The following SPATS2 variants were observed in gnomAD, a reference collection of about 807,000 sequenced individuals.
SPATS2 encodes spermatogenesis-associated serine-rich protein 2.
In SPATS2, 38 loss-of-function variants were observed where a neutral mutation model predicts 63.7. The ratio of observed to expected loss-of-function variants is 0.60; its 90% CI spans 0.46 to 0.78. The LOEUF is 0.78. Among genes scored for constraint, SPATS2 ranks in the 30% least tolerant of loss-of-function variants. The probability of loss-of-function intolerance (pLI) is 0.00; values close to 1 mark genes in which losing one functional copy is unlikely to be tolerated. For missense variants in SPATS2, 588 were observed against 666.2 expected (o/e 0.88, Z 1.29); for synonymous variants, 207 against 232.9 (o/e 0.89, Z 1.01).
In SPATS2 at chr12:49,526,006, C is replaced by G; in HGVS notation, c.1389C>G (p.Asp463Glu). Residue 463 changes from aspartate to glutamate, a missense_variant, in exon 14 of 14, where the codon GAC becomes GAG. Asp to Glu is a conservative substitution (Grantham distance 45). Transcript: ENST00000552918. ...GGCCACAAGGCCAAAAGTCCAATGA[C>G]CCCATGAACCAAGGGCGGCATGACA... Reference protein sequence around the residue: ...GYRPQGQKSNDPMNQGRHDSM... With the variant: ...GYRPQGQKSNEPMNQGRHDSM... The G allele has an allele frequency of 2.5e-6, 4 of 1,614,244 alleles. 1 individual carries two copies. Among genetic ancestry groups the G allele is most frequent in the Middle Eastern group, 3.3e-4 (2 of 6,062 alleles).
intron 2 of SPATS2, among the ~76,000 whole-genome samples, chr12:49,386,172 GTTAT>G (rs1565696285): frequency 6.8e-6 from 1 of 146,402 alleles, no homozygotes; most frequent in African/African-American, 2.5e-5. Flanking sequence ...CCAGCTTGTG[GTTAT>G]TTATTTGAGA....
chr12:49,459,852 C>T (rs1223095518), intron 2 of SPATS2, among the ~76,000 whole-genome samples: 1 of 142,860 alleles, frequency 7.0e-6, no homozygotes, highest in Non-Finnish European at 1.5e-5. Context: ...TTTGGGAGGC[C>T]GAGGCAGGCG....
chr12:49,476,380 CT>C (rs1946118443), intron 3 of SPATS2, among the ~76,000 whole-genome samples: 1 of 152,172 alleles, frequency 6.6e-6, no homozygotes, highest in African/African-American at 2.4e-5. Flanking sequence ...CTGCCGAGAG[CT>C]ACTTCCACTC....
At chr12:49,369,633 T>C (rs1943964795) in intron 1 of SPATS2, among the ~76,000 whole-genome samples, 1 of 152,236 alleles carries the variant, frequency 6.6e-6, no homozygotes. Context: ...GAAGATTAAG[T>C]TAGTAGGCTG....
At chr12:49,493,657 C>G (rs2137899304) in intron 6 of SPATS2, among the ~76,000 whole-genome samples, 1 of 152,312 alleles carries the variant, frequency 6.6e-6, no homozygotes, top group East Asian at 1.9e-4. Flanking sequence ...CCTACCTTGG[C>G]CTCCCAAAGT....
chr12:49,408,643 C>G lies in SPATS2; in HGVS notation c.-244+37353C>G, dbSNP rs891687409. Among the ~76,000 whole-genome samples the G allele has an allele frequency of 3.4e-5, 5 of 147,486 alleles. No individual in the cohort carries two copies. The East Asian group carries it at 9.9e-4, about 29-fold the overall frequency. On this transcript the variant is annotated intron_variant, in intron 2 of 13. Transcript: ENST00000552918. Reference sequence around the variant, plus strand: ...CAATCTTGGCTCACTGCAGTCTCCGCCTCCTGGCTTCAAGTGATTCTCCTG... The same window carrying G: ...CAATCTTGGCTCACTGCAGTCTCCGGCTCCTGGCTTCAAGTGATTCTCCTG...
At chr12:49,427,257 T>C (rs1030119071) in intron 2 of SPATS2, among the ~76,000 whole-genome samples, 4 of 152,224 alleles carry the variant, frequency 2.6e-5, no homozygotes, top group African/African-American at 9.6e-5. Flanking sequence ...CTAAATAATA[T>C]ATTGTTTTAG....
chr12:49,445,073 A>C (rs958425921), intron 2 of SPATS2, among the ~76,000 whole-genome samples: 1 of 152,118 alleles, frequency 6.6e-6, no homozygotes. Context: ...CTTCCTTTCC[A>C]ATTGTGATGC....
intron 2 of SPATS2, among the ~76,000 whole-genome samples, chr12:49,404,960 T>G: frequency 6.6e-6 from 1 of 151,888 alleles, no homozygotes; most frequent in East Asian, 1.9e-4. Flanking sequence ...GAAAAAAACT[T>G]GTGTTGGAAC....
chr12:49,499,181 C>A (rs1356442269), intron 8 of SPATS2, among the ~76,000 whole-genome samples: 2 of 152,120 alleles, frequency 1.3e-5, no homozygotes, highest in African/African-American at 4.8e-5. Flanking sequence ...TTGATTTTTT[C>A]TCTTACTTAT....
chr12:49,403,538 G>A (rs1045031036), intron 2 of SPATS2, among the ~76,000 whole-genome samples: 33 of 151,056 alleles, frequency 2.2e-4, no homozygotes, highest in Admixed American at 2.6e-4. Context: ...TGAGGCATGA[G>A]AATCGCTTGA....
intron 2 of SPATS2, among the ~76,000 whole-genome samples, chr12:49,416,126 A>G (rs1944884931): frequency 1.3e-5 from 2 of 152,216 alleles, no homozygotes; most frequent in African/African-American, 4.8e-5. Flanking sequence ...TTAGCAGTGT[A>G]AAACAAAACT....
intron 2 of SPATS2, among the ~76,000 whole-genome samples, chr12:49,383,646 C>T (rs181896070): frequency 2.0e-5 from 3 of 152,306 alleles, no homozygotes; most frequent in African/African-American, 7.2e-5. Context: ...AGGTGATCCT[C>T]CCACCTCAGC....
intron 2 of SPATS2, among the ~76,000 whole-genome samples, chr12:49,418,121 T>G (rs1020808131): frequency 9.8e-5 from 14 of 142,634 alleles, no homozygotes; most frequent in Non-Finnish European, 1.7e-4. Context: ...TTTTTTTTTT[T>G]TTTTTTTTTT....
chr12:49,405,536 T>TA (rs1944678426), intron 2 of SPATS2, among the ~76,000 whole-genome samples: 1 of 152,076 alleles, frequency 6.6e-6, no homozygotes, highest in Non-Finnish European at 1.5e-5. Context: ...CCGTCTTTAC[T>TA]AAAAATACAA....
intron 8 of SPATS2, 130 bp downstream of exon 8, chr12:49,497,139 A>C (rs1236695590): frequency 1.1e-6 from 1 of 888,362 alleles, no homozygotes; most frequent in African/African-American, 1.7e-5. Flanking sequence ...TTTTCCAGAC[A>C]GTGACTGACT....
intron 4 of SPATS2, among the ~76,000 whole-genome samples, chr12:49,488,919 G>C (rs1303991695): frequency 6.6e-6 from 1 of 152,120 alleles, no homozygotes; most frequent in African/African-American, 2.4e-5. Context: ...GTTCATGGGG[G>C]CTTCAATTAT....
At chr12:49,513,839 A>G (rs373959234) in intron 9 of SPATS2, among the ~76,000 whole-genome samples, 1 of 152,302 alleles carries the variant, frequency 6.6e-6, no homozygotes, top group East Asian at 1.9e-4. Flanking sequence ...ATCAAATTTT[A>G]TAGACCAAAA....
At chr12:49,378,458 C>T (rs1462255481) in intron 2 of SPATS2, among the ~76,000 whole-genome samples, 2 of 151,628 alleles carry the variant, frequency 1.3e-5, no homozygotes, top group East Asian at 3.9e-4. Flanking sequence ...CCTCCACGCC[C>T]GGCTAATTTT....
Sources: allele counts gnomAD v4.1 joint callset (sites outside exome capture counted in the v4.1 genomes callset), GRCh38; gene constraint gnomAD v4.1.1; transcripts MANE v1.5; gene names NCBI Gene and HGNC (gene_info 2026-07-23, HGNC 2026-07-21).